Variants in CRCP observed in about 807,000 individuals in gnomAD.
The protein encoded by CRCP is DNA-directed RNA polymerase III subunit RPC9.
Under a neutral mutation model 18.5 loss-of-function variants are expected in CRCP, and 18 were observed. The observed-to-expected ratio is 0.97, with a 90% CI of 0.67 to 1.44. The LOEUF (loss-of-function observed/expected upper bound fraction) is 1.44, where lower values mean the gene tolerates loss of function less well. Ranked by LOEUF, CRCP falls within the 40% of genes most tolerant of loss-of-function variation. The probability of loss-of-function intolerance (pLI) is 0.00; values close to 1 mark genes in which losing one functional copy is unlikely to be tolerated. For missense variants in CRCP, 130 were observed against 176.4 expected (o/e 0.74, Z 1.49); for synonymous variants, 53 against 62.9 (o/e 0.84, Z 0.75).
rs1787317194 is a variant in CRCP at position 66,117,831 on chromosome 7, C to G, written c.8+2861C>G. 2.0e-5 allele frequency among the ~76,000 whole-genome samples: 3 copies of G among 152,182 alleles called. No homozygotes were observed. In the South Asian group the frequency reaches 6.2e-4, roughly 32 times the overall value. On this transcript the variant is annotated intron_variant, in intron 1 of 5. Coordinates refer to ENST00000395326, the MANE Select transcript of CRCP (RefSeq NM_014478.5). Reference sequence around the variant, plus strand: ...CCCAGCCTTACCACTTGCCACTCTCCCAACCTCCCAGACACACACTTTCCA... The same window carrying G: ...CCCAGCCTTACCACTTGCCACTCTCGCAACCTCCCAGACACACACTTTCCA...
intron 1 of CRCP, among the ~76,000 whole-genome samples, chr7:66,122,728 C>G (rs917533839): frequency 6.6e-6 from 1 of 152,034 alleles, no homozygotes; most frequent in Admixed American, 6.6e-5. Flanking sequence ...ACAGCAAACA[C>G]TTGTTTTCTG....
intron 3 of CRCP, among the ~76,000 whole-genome samples, chr7:66,133,662 T>A (rs1325405527): frequency 6.6e-6 from 1 of 151,524 alleles, no homozygotes; most frequent in African/African-American, 2.4e-5. Flanking sequence ...TTTAAAAAAA[T>A]TGTTCAAAAT....
At chr7:66,136,132 T>G (rs1787965226) in intron 4 of CRCP, among the ~76,000 whole-genome samples, 1 of 152,202 alleles carries the variant, frequency 6.6e-6, no homozygotes, top group Non-Finnish European at 1.5e-5. Flanking sequence ...TAGTTTCCAG[T>G]TCCTTTTCTT....
intron 2 of CRCP, among the ~76,000 whole-genome samples, chr7:66,129,767 A>C (rs1787735992): frequency 6.6e-6 from 1 of 152,062 alleles, no homozygotes; most frequent in Non-Finnish European, 1.5e-5. Flanking sequence ...TCCATTGGGG[A>C]AACATTGCAT....
intron 1 of CRCP, among the ~76,000 whole-genome samples, chr7:66,117,037 C>T (rs562922917): frequency 4.5e-4 from 68 of 150,406 alleles, no homozygotes; most frequent in Non-Finnish European, 9.3e-4. Flanking sequence ...AGGAGAATCG[C>T]TTGAACTCGG....
At chr7:66,138,433 T>C (rs1337554958) in intron 4 of CRCP, among the ~76,000 whole-genome samples, 1 of 152,034 alleles carries the variant, frequency 6.6e-6, no homozygotes, top group East Asian at 1.9e-4. Context: ...CTAACCCTAA[T>C]GTGTCATTTT....
chr7:66,137,452 T>G (rs943419651), intron 4 of CRCP, among the ~76,000 whole-genome samples: 2 of 152,232 alleles, frequency 1.3e-5, no homozygotes, highest in African/African-American at 4.8e-5. Flanking sequence ...TTTTTCTTAT[T>G]TCATTGCCCT....
intron 2 of CRCP, among the ~76,000 whole-genome samples, chr7:66,128,100 C>G: frequency 1.4e-5 from 2 of 140,978 alleles, no homozygotes; most frequent in Admixed American, 7.5e-5. Flanking sequence ...GGGCAATAGA[C>G]CAAGGCTCTG....
At chr7:66,150,227 C>A (rs949974630) in intron 5 of CRCP, among the ~76,000 whole-genome samples, 9 of 151,708 alleles carry the variant, frequency 5.9e-5, no homozygotes, top group Non-Finnish European at 1.3e-4. Flanking sequence ...ACCAGACTAA[C>A]CAACATGGAG....
rs987696265 is a variant in CRCP, at chr7:66,153,274, C to G, written c.*917C>G. 6.6e-6 allele frequency: 1 copy of G among 152,228 alleles called. No individual in the cohort carries two copies. Among genetic ancestry groups the G allele is most frequent in the Admixed American group, 6.6e-5 (1 of 15,244 alleles). The allele number at this position is 152,228 out of a possible 1,614,324, so 9.4% of individuals were successfully genotyped here. A position where few individuals can be genotyped will look rare whatever the true frequency, so the allele number is the denominator to read the frequency against. On this transcript the variant is annotated 3_prime_UTR_variant, in exon 6 of 6. Coordinates refer to ENST00000395326, the MANE Select transcript of CRCP (RefSeq NM_014478.5). ...CCAACATGGAAAAACCCCATCTCTACTAAAAAAATACAAAATTAACCAGGG... is the reference window on the plus strand; with the variant it reads ...CCAACATGGAAAAACCCCATCTCTAGTAAAAAAATACAAAATTAACCAGGG...
At chr7:66,148,650 G>T (rs316317) in intron 5 of CRCP, among the ~76,000 whole-genome samples, 15,833 of 152,200 alleles carry the variant, frequency 0.1, 1,003 homozygotes, top group South Asian at 0.2. Context: ...CCCAGCTTAG[G>T]ACTTGTTGTG....
intron 5 of CRCP, among the ~76,000 whole-genome samples, chr7:66,150,047 C>T (rs1021184698): frequency 2.0e-5 from 3 of 151,888 alleles, no homozygotes; most frequent in Admixed American, 6.6e-5. Flanking sequence ...ACCTTGTGAT[C>T]CGCCCACCTC....
In CRCP at chr7:66,154,134, A is replaced by G. The variant is rs892748320; in HGVS notation, c.*1777A>G. The G allele has an allele frequency of 2.7e-5, 4 of 149,074 alleles. No homozygotes were observed. The highest frequency in any genetic ancestry group is 9.9e-5 in the African/African-American group (4 of 40,460). 9.2% of individuals were successfully genotyped at this position (149,074 alleles called of 1,614,324 possible). A position where few individuals can be genotyped will look rare whatever the true frequency, so the allele number is the denominator to read the frequency against. On this transcript the variant is annotated 3_prime_UTR_variant, in exon 6 of 6. Transcript: ENST00000395326. The stretch of plus-strand genomic sequence containing the variant: ...GAATTTTAGTGGGAGCTGTTGATTT[A>G]TTTCTCAGGGCATACATGTGCCAAT...
At chr7:66,142,580 G>A (rs1366600287) in intron 4 of CRCP, among the ~76,000 whole-genome samples, 1 of 152,192 alleles carries the variant, frequency 6.6e-6, no homozygotes, top group Admixed American at 6.5e-5. Flanking sequence ...TGAAGCCTCA[G>A]ACTCCTGGGC....
intron 4 of CRCP, among the ~76,000 whole-genome samples, chr7:66,142,095 C>T (rs1788158450): frequency 6.6e-6 from 1 of 152,296 alleles, no homozygotes; most frequent in Non-Finnish European, 1.5e-5. Context: ...TCCCTCTTCA[C>T]GTGGAGACCT....
At chr7:66,130,546 C>G (rs1387367973) in intron 2 of CRCP, among the ~76,000 whole-genome samples, 198 bp from the exon 3 acceptor site, 1 of 152,008 alleles carries the variant, frequency 6.6e-6, no homozygotes, top group Non-Finnish European at 1.5e-5. Flanking sequence ...AATTATTTGG[C>G]TTATATAAAA....
Position 66,133,288 on chromosome 7 carries a change from G to A in CRCP, c.145-992G>A, listed in dbSNP as rs535449322. Among the ~76,000 whole-genome samples the A allele has an allele frequency of 5.3e-5, 8 of 152,080 alleles. No homozygotes were observed. The East Asian group carries it at 5.8e-4, about 11-fold the overall frequency. On this transcript the variant is annotated intron_variant, in intron 3 of 5. Transcript: ENST00000395326. ...TCGGAGGCCGAGGCGGGTGGATCAC[G>A]AGGTCAGGAGATCGAGACCATCCTG...
chr7:66,116,143 T>C (rs1787254770), intron 1 of CRCP, among the ~76,000 whole-genome samples: 1 of 152,086 alleles, frequency 6.6e-6, no homozygotes, highest in Non-Finnish European at 1.5e-5. Flanking sequence ...GTAACTGAAA[T>C]GAAAGGCTCA....
Position 66,147,063 on chromosome 7 carries a change from C to T in CRCP, c.297+1563C>T, listed in dbSNP as rs185658713. 2.2e-3 allele frequency among the ~76,000 whole-genome samples: 341 copies of T among 152,182 alleles called. 2 individuals carry two copies. Among genetic ancestry groups the T allele is most frequent in the African/African-American group, 7.7e-3 (318 of 41,522 alleles). The stretch of plus-strand genomic sequence containing the variant: ...GCTATTGAGAGTGCCTGGGGTGGGC[C>T]GGGCGCGGTGGCTCATGCCTGTAAT... On this transcript the variant is annotated intron_variant, in intron 5 of 5. Transcript: ENST00000395326.
Sources: gnomAD v4.1 joint callset for allele counts (sites outside exome capture counted in the v4.1 genomes callset) on GRCh38, gnomAD v4.1.1 for gene constraint, MANE v1.5 for transcripts, NCBI Gene and HGNC (gene_info 2026-07-23, HGNC 2026-07-21) for gene names.